GRIA3: variants seen among roughly 807,000 people sequenced by gnomAD.
The protein encoded by GRIA3 is glutamate receptor 3.
A neutral mutation model predicts 63.0 loss-of-function variants in GRIA3; 3 were observed. That is an observed-to-expected ratio of 0.05 (90% CI 0.02 to 0.12). The LOEUF (loss-of-function observed/expected upper bound fraction) is 0.12, where lower values mean the gene tolerates loss of function less well. GRIA3 is among the 10% of genes least tolerant of loss of function. The pLI, the probability that GRIA3 is intolerant of heterozygous loss-of-function variation, is 1.00. For synonymous variants in GRIA3, 274 were observed against 257.9 expected (o/e 1.06, Z -0.60); for missense variants, 347 against 700.9 (o/e 0.50, Z 5.70).
At chrX:123,326,763 G>C (rs2044908285) in intron 4 of GRIA3, among the ~76,000 whole-genome samples, 1 of 111,183 alleles carries the variant, frequency 9.0e-6, no homozygotes, top group East Asian at 2.8e-4. Context: ...CTGGATCAGA[G>C]AGAGAGAGAG....
intron 3 of GRIA3, among the ~76,000 whole-genome samples, chrX:123,294,557 T>A (rs2044674027): frequency 9.0e-6 from 1 of 110,718 alleles, no homozygotes. Context: ...CAGTGAGGAG[T>A]CACTTAGCAC....
At chrX:123,204,786 T>C in intron 2 of GRIA3, 2 of 361,518 alleles carry the variant, frequency 5.5e-6, no homozygotes, top group Non-Finnish European at 8.2e-6. Context: ...AGTTGATTAT[T>C]ATTATGAATG....
At chrX:123,245,043 G>A (rs1227518443) in intron 2 of GRIA3, among the ~76,000 whole-genome samples, 1 of 112,222 alleles carries the variant, frequency 8.9e-6, no homozygotes, top group Non-Finnish European at 1.9e-5. Context: ...TCAGTCAAGA[G>A]AAAAGGAATG....
intron 3 of GRIA3, 85 bp from the exon 4 acceptor site, chrX:123,325,938 CTGA>C: frequency 1.3e-6 from 1 of 790,626 alleles, no homozygotes; most frequent in Non-Finnish European, 1.9e-6. Flanking sequence ...TCAAAGGCAC[CTGA>C]TGGACTGTGA....
intron 2 of GRIA3, among the ~76,000 whole-genome samples, chrX:123,248,263 T>G (rs143154070): frequency 0.01 from 1,165 of 112,226 alleles, 20 homozygotes; most frequent in African/African-American, 0.036. Context: ...ACCTATGTGG[T>G]CTAACTTTAG....
At chrX:123,255,055 G>A (rs990926919) in intron 3 of GRIA3, among the ~76,000 whole-genome samples, 2 of 111,728 alleles carry the variant, frequency 1.8e-5, no homozygotes, top group Non-Finnish European at 3.8e-5. Context: ...GTTTCAAGGG[G>A]GTGTGTACAG....
At chrX:123,193,770 G>T (rs1200695482) in intron 2 of GRIA3, among the ~76,000 whole-genome samples, 1 of 111,982 alleles carries the variant, frequency 8.9e-6, no homozygotes, top group East Asian at 2.8e-4. Context: ...ATCTGGAAGG[G>T]AATAAATTAA....
At chrX:123,400,107 G>C (rs1232857379) in intron 7 of GRIA3, among the ~76,000 whole-genome samples, 1 of 111,242 alleles carries the variant, frequency 9.0e-6, no homozygotes, top group East Asian at 2.8e-4. Flanking sequence ...AAAACCTCAA[G>C]GGGCAAGAGC....
intron 8 of GRIA3, 31 bp downstream of exon 8, chrX:123,403,129 A>G (rs1283926394): frequency 2.6e-6 from 2 of 776,432 alleles, no homozygotes; most frequent in Non-Finnish European, 4.0e-6. Context: ...TTTAAAGAAA[A>G]GGACTCTTGA....
intron 3 of GRIA3, among the ~76,000 whole-genome samples, chrX:123,284,425 C>T (rs1472937127): frequency 9.0e-6 from 1 of 111,254 alleles, no homozygotes; most frequent in Non-Finnish European, 1.9e-5. Flanking sequence ...AAGTAGGCTT[C>T]AGAGGGTTGG....
intron 3 of GRIA3, among the ~76,000 whole-genome samples, chrX:123,262,297 C>T (rs1271280097): frequency 8.9e-6 from 1 of 111,913 alleles, no homozygotes; most frequent in Admixed American, 9.4e-5. Context: ...CATTATGGAA[C>T]AGTGGTCCTC....
chrX:123,406,571 CA>C (rs774712741), intron 10 of GRIA3, among the ~76,000 whole-genome samples: 74 of 111,531 alleles, frequency 6.6e-4, no homozygotes, highest in Admixed American at 1.0e-3. Flanking sequence ...AGAAAGGTAA[CA>C]AAAGCAAAGC....
At chrX:123,450,235 T>C (rs189415920) in intron 12 of GRIA3, among the ~76,000 whole-genome samples, 234 of 112,089 alleles carry the variant, frequency 2.1e-3, no homozygotes, top group Middle Eastern at 4.6e-3. Context: ...AGCTAGTGAG[T>C]TATCATATTG....
intron 3 of GRIA3, among the ~76,000 whole-genome samples, chrX:123,295,321 G>C (rs2044678961): frequency 9.0e-6 from 1 of 111,582 alleles, no homozygotes; most frequent in African/African-American, 3.2e-5. Flanking sequence ...ATCAGTCACT[G>C]TTTTTAGCTC....
chrX:123,472,940 G>A (rs1171453654), intron 13 of GRIA3, among the ~76,000 whole-genome samples: 3 of 112,848 alleles, frequency 2.7e-5, no homozygotes, highest in African/African-American at 9.7e-5. Context: ...ATAGCAAGGA[G>A]TTAAATAGGT....
intron 5 of GRIA3, among the ~76,000 whole-genome samples, chrX:123,390,807 A>G (rs1050158615): frequency 4.5e-5 from 5 of 111,656 alleles, no homozygotes; most frequent in African/African-American, 1.6e-4. Flanking sequence ...CCTATATGTC[A>G]TAGACTTTGT....
intron 3 of GRIA3, among the ~76,000 whole-genome samples, chrX:123,302,806 T>C (rs1316306191): frequency 2.7e-5 from 3 of 111,214 alleles, no homozygotes; most frequent in Non-Finnish European, 5.7e-5. Context: ...GGAGTTTTAA[T>C]ATCTTGATAA....
At chrX:123,475,780 T>TG (rs1343297070) in intron 13 of GRIA3, among the ~76,000 whole-genome samples, 1 of 111,720 alleles carries the variant, frequency 9.0e-6, no homozygotes, top group East Asian at 2.8e-4. Flanking sequence ...ATTTGGAGTA[T>TG]GGGGGTCCCT....
intron 3 of GRIA3, among the ~76,000 whole-genome samples, chrX:123,308,267 A>G (rs1021176127): frequency 1.8e-4 from 20 of 112,010 alleles, no homozygotes. Context: ...TCACCTGAGA[A>G]GCTTGTTAAA....
Sources: gnomAD v4.1 joint callset for allele counts (sites outside exome capture counted in the v4.1 genomes callset) on GRCh38, gnomAD v4.1.1 for gene constraint, MANE v1.5 for transcripts, NCBI Gene and HGNC (gene_info 2026-07-23, HGNC 2026-07-21) for gene names.